The following AGBL4 variants were observed in gnomAD, a reference collection of about 807,000 sequenced individuals.
AGBL4 encodes the protein cytosolic carboxypeptidase 6.
A neutral mutation model predicts 66.4 loss-of-function variants in AGBL4; 58 were observed. The observed-to-expected ratio is 0.87, with a 90% CI of 0.71 to 1.09. AGBL4 has a LOEUF of 1.09. Among genes scored for constraint, AGBL4 ranks in the 50% least tolerant of loss-of-function variants. The pLI, the probability that AGBL4 is intolerant of heterozygous loss-of-function variation, is 0.00. For missense variants in AGBL4, 579 were observed against 631.0 expected (o/e 0.92, Z 0.88); for synonymous variants, 234 against 222.9 (o/e 1.05, Z -0.44).
intron 2 of AGBL4, among the ~76,000 whole-genome samples, chr1:49,836,517 G>C (rs1645853529): frequency 6.6e-6 from 1 of 152,120 alleles, no homozygotes; most frequent in African/African-American, 2.4e-5. Flanking sequence ...CATTGGGTTA[G>C]AACATGCTCC....
At chr1:49,260,972 G>T (rs1012776049) in intron 3 of AGBL4, among the ~76,000 whole-genome samples, 3 of 149,726 alleles carry the variant, frequency 2.0e-5, no homozygotes, top group African/African-American at 7.4e-5. Flanking sequence ...GATCAAGTGG[G>T]CTTCATCCCT....
intron 1 of AGBL4, among the ~76,000 whole-genome samples, chr1:49,992,262 C>T (rs1238948614): frequency 6.6e-6 from 1 of 151,842 alleles, no homozygotes; most frequent in Non-Finnish European, 1.5e-5. Flanking sequence ...GTCCCAGCTA[C>T]TCAGGAGGCT....
intron 3 of AGBL4, among the ~76,000 whole-genome samples, chr1:49,308,420 A>G (rs1460671990): frequency 6.6e-6 from 1 of 152,106 alleles, no homozygotes; most frequent in East Asian, 1.9e-4. Context: ...GTCACCAGAG[A>G]GTTCTGGGAA....
intron 1 of AGBL4, among the ~76,000 whole-genome samples, chr1:49,916,530 G>C (rs145457295): frequency 1.8e-4 from 27 of 152,230 alleles, no homozygotes; most frequent in African/African-American, 5.5e-4. Flanking sequence ...GGGAAGTCTA[G>C]AGAAAAAAGA....
intron 5 of AGBL4, among the ~76,000 whole-genome samples, chr1:48,967,556 T>A (rs1190415993): frequency 1.3e-5 from 2 of 152,160 alleles, no homozygotes; most frequent in East Asian, 3.9e-4. Flanking sequence ...CTAGAGGATA[T>A]ACTTCGTACA....
chr1:48,880,101 T>G (rs1649634662), intron 5 of AGBL4, among the ~76,000 whole-genome samples: 1 of 152,136 alleles, frequency 6.6e-6, no homozygotes, highest in South Asian at 2.1e-4. Flanking sequence ...TTGTAGTCTT[T>G]TATCCCTTAT....
At chr1:48,826,681 G>A (rs1019064901) in intron 6 of AGBL4, among the ~76,000 whole-genome samples, 3 of 152,226 alleles carry the variant, frequency 2.0e-5, no homozygotes, top group Non-Finnish European at 4.4e-5. Context: ...GTCTAGGCAG[G>A]AGAAGAATAA....
intron 1 of AGBL4, among the ~76,000 whole-genome samples, chr1:49,978,634 A>G (rs1338503845): frequency 6.6e-6 from 1 of 152,236 alleles, no homozygotes; most frequent in Non-Finnish European, 1.5e-5. Flanking sequence ...CAGAATAAAC[A>G]GGTAAATATT....
At chr1:48,987,252 T>C (rs1660251398) in intron 5 of AGBL4, among the ~76,000 whole-genome samples, 1 of 151,922 alleles carries the variant, frequency 6.6e-6, no homozygotes, top group Non-Finnish European at 1.5e-5. Flanking sequence ...TAACAAAGCA[T>C]GGTCAAATTT....
rs549560392 is a variant in AGBL4 at position 49,270,109 on chromosome 1, T to C, written c.283-24245A>G. Among the ~76,000 whole-genome samples, 14 of 152,344 alleles carry C rather than the reference T, an allele frequency of 9.2e-5. No individual in the cohort carries two copies. In the East Asian group the frequency reaches 2.7e-3, roughly 29 times the overall value. On this transcript the variant is annotated intron_variant, in intron 3 of 13. Transcript: ENST00000371839. ...TTGATTAACGGGAGAAAAGGATTTC[T>C]GTGACTAGTCTTGGGGATAGTGACT...
intron 2 of AGBL4, among the ~76,000 whole-genome samples, chr1:49,797,900 A>G (rs1644769985): frequency 4.0e-5 from 6 of 151,878 alleles, no homozygotes; most frequent in African/African-American, 1.5e-4. Context: ...AATAGCTGGG[A>G]CTACAGGCAT....
At position 49,691,020 on chromosome 1, in the gene AGBL4, A is replaced by G. The variant is rs193155159; in HGVS notation, c.282+6293T>C. On this transcript the variant is annotated intron_variant, in intron 3 of 13. Transcript: ENST00000371839. ...ATTCTTAACTAGTACATTTTGCTTG[A>G]TGATGATGATGATGATGATGAGCAT... Among the ~76,000 whole-genome samples, 339 of 151,038 alleles carry G rather than the reference A, an allele frequency of 2.2e-3. 2 individuals carry two copies. The highest frequency in any genetic ancestry group is 3.9e-3 in the Non-Finnish European group (261 of 67,370).
At position 48,653,385 on chromosome 1, in the gene AGBL4, T is replaced by C. The variant is rs764317600; in HGVS notation, c.791A>G (p.Lys264Arg). Residue 264 changes from lysine to arginine, a missense_variant, in exon 8 of 14, where the codon AAG becomes AGG. Coordinates refer to ENST00000371839, the MANE Select transcript of AGBL4 (RefSeq NM_032785.4). ...ATCAGGATTGAGCATTGGTGCGATC[T>C]TGAAGACCAGGTATTCCCGGAGGAC... ...ACVLREYLVF[K>R]IAPMLNPDGV... 5.0e-6 allele frequency: 8 copies of C among 1,589,250 alleles called. No homozygotes were observed. Among genetic ancestry groups the C allele is most frequent in the East Asian group, 2.3e-5 (1 of 43,978 alleles).
At chr1:49,305,297 C>A (rs1644829199) in intron 3 of AGBL4, among the ~76,000 whole-genome samples, 1 of 152,010 alleles carries the variant, frequency 6.6e-6, no homozygotes, top group African/African-American at 2.4e-5. Context: ...AAAAAGAAAC[C>A]AATTACAGTC....
chr1:49,935,297 G>A (rs928641186), intron 1 of AGBL4, among the ~76,000 whole-genome samples: 3 of 152,262 alleles, frequency 2.0e-5, no homozygotes, highest in African/African-American at 7.2e-5. Flanking sequence ...GCCCGCCATT[G>A]CCCAGGCTTG....
chr1:49,580,542 T>C lies in AGBL4; in HGVS notation c.282+116771A>G, dbSNP rs545080165. On this transcript the variant is annotated intron_variant, in intron 3 of 13. Coordinates refer to ENST00000371839, the MANE Select transcript of AGBL4 (RefSeq NM_032785.4). Reference sequence around the variant, plus strand: ...TTGATGGTGACTATTGTCCCTTCCATGTTTATAAGTCCTCTGAGCATTTCT... The same window carrying C: ...TTGATGGTGACTATTGTCCCTTCCACGTTTATAAGTCCTCTGAGCATTTCT... Among the ~76,000 whole-genome samples the C allele has an allele frequency of 2.6e-5, 4 of 152,332 alleles. No individual in the cohort carries two copies. The South Asian group carries it at 6.2e-4, about 24-fold the overall frequency.
chr1:48,932,258 T>C (rs1244865663), intron 5 of AGBL4, among the ~76,000 whole-genome samples: 2 of 152,188 alleles, frequency 1.3e-5, no homozygotes, highest in Non-Finnish European at 2.9e-5. Context: ...GTAATTTTCA[T>C]AGACCACAGG....
intron 6 of AGBL4, among the ~76,000 whole-genome samples, chr1:48,847,604 A>T (rs1646949512): frequency 6.6e-6 from 1 of 152,312 alleles, no homozygotes; most frequent in East Asian, 1.9e-4. Context: ...AGAGTAAAGT[A>T]CTTTGAAGGA....
At chr1:48,530,264 C>T (rs1179088753), downstream of AGBL4, among the ~76,000 whole-genome samples, 2 of 152,072 alleles carry the variant, frequency 1.3e-5, no homozygotes, top group Non-Finnish European at 2.9e-5. Flanking sequence ...TGATACTTAC[C>T]TGATAGGACT....
Sources: gnomAD v4.1 joint callset for allele counts (sites outside exome capture counted in the v4.1 genomes callset) on GRCh38, gnomAD v4.1.1 for gene constraint, MANE v1.5 for transcripts, NCBI Gene and HGNC (gene_info 2026-07-23, HGNC 2026-07-21) for gene names.